Variants in TRIO observed in about 807,000 individuals in gnomAD.
TRIO encodes triple functional domain protein.
In TRIO, 58 loss-of-function variants were observed where a neutral mutation model predicts 351.9. That is an observed-to-expected ratio of 0.16 (90% CI 0.13 to 0.21). TRIO has a LOEUF of 0.21. Ranked by LOEUF, TRIO falls within the 10% of genes least tolerant of loss-of-function variation. TRIO has a pLI of 1.00. For synonymous variants in TRIO, 1,758 were observed against 1,595.7 expected (o/e 1.10, Z -2.42); for missense variants, 3,201 against 4,027.8 (o/e 0.79, Z 5.56).
chr5:14,245,358 G>T (rs1794372001), intron 1 of TRIO, among the ~76,000 whole-genome samples: 1 of 152,202 alleles, frequency 6.6e-6, no homozygotes, highest in Admixed American at 6.5e-5. Flanking sequence ...GATAGGATCA[G>T]TGTACGGTTT....
intron 1 of TRIO, among the ~76,000 whole-genome samples, chr5:14,189,728 CT>C (rs199627264): frequency 0.045 from 6,445 of 143,928 alleles, 440 homozygotes; most frequent in African/African-American, 0.15. Context: ...TTCGTTTTAA[CT>C]TTTTTTTTTT....
intron 1 of TRIO, among the ~76,000 whole-genome samples, chr5:14,192,096 G>A (rs1363752167): frequency 6.6e-6 from 1 of 152,046 alleles, no homozygotes; most frequent in Non-Finnish European, 1.5e-5. Context: ...ATTAGTAATG[G>A]CAATGGCAAT....
At chr5:14,208,535 A>G (rs1446648775) in intron 1 of TRIO, among the ~76,000 whole-genome samples, 1 of 152,262 alleles carries the variant, frequency 6.6e-6, no homozygotes, top group Admixed American at 6.5e-5. Flanking sequence ...AAGAGTCACA[A>G]GGAAACATTT....
rs771313562 is a variant in TRIO at position 14,419,880 on chromosome 5, C to A, written c.5062C>A (p.Arg1688=). Reference sequence around the variant, plus strand: ...GGGCCAGACCGTGGAAGTTCTGGAGCGGCCGCATGACAAGCCTGACTGGTG... The same window carrying A: ...GGGCCAGACCGTGGAAGTTCTGGAGAGGCCGCATGACAAGCCTGACTGGTG... ...RRGQTVEVLE[R]PHDKPDWCLV... The change falls in exon 34 of 57, where the codon CGG becomes AGG. Residue 1688 remains arginine, a synonymous_variant. Coordinates refer to ENST00000344204, the MANE Select transcript of TRIO (RefSeq NM_007118.4). The A allele has an allele frequency of 1.9e-5, 31 of 1,613,990 alleles. No individual in the cohort carries two copies. Among genetic ancestry groups the A allele is most frequent in the Middle Eastern group, 1.6e-4 (1 of 6,084 alleles).
rs571313966 is a variant in TRIO, at chr5:14,281,237, T to G, written c.347+801T>G. Among the ~76,000 whole-genome samples the G allele has an allele frequency of 1.6e-3, 238 of 152,260 alleles. 4 individuals are homozygous for G. The highest frequency in any genetic ancestry group is 5.5e-3 in the African/African-American group (229 of 41,542). ...AAAGAGGTTTAATTGATTTAATGGC[T>G]AGGGAGCCCTCAGGAAACTTATGAT... On this transcript the variant is annotated intron_variant, in intron 3 of 56. Transcript: ENST00000344204.
At chr5:14,348,376 A>G (rs1334652182) in intron 11 of TRIO, among the ~76,000 whole-genome samples, 5 of 152,232 alleles carry the variant, frequency 3.3e-5, no homozygotes. Context: ...CTGGGGAGTC[A>G]TGCTTATGTT....
chr5:14,294,038 T>C (rs1581550080), intron 6 of TRIO, among the ~76,000 whole-genome samples: 1 of 151,764 alleles, frequency 6.6e-6, no homozygotes, highest in East Asian at 1.9e-4. Flanking sequence ...ATTAAAAAAT[T>C]AGCCAAGTGT....
rs182111871 is a variant in TRIO, at chr5:14,507,698, G to A, written c.8752-182G>A. 1.0e-3 allele frequency among the ~76,000 whole-genome samples: 148 copies of A among 148,578 alleles called. 2 individuals are homozygous for A. Among genetic ancestry groups the A allele is most frequent in the Non-Finnish European group, 1.4e-4 (9 of 66,628 alleles). ...TGTGGATCTGGGTCCCAGCTCCGCT[G>A]TGTCATCTCTTCCTCCTCACCCTCG... On this transcript the variant is annotated intron_variant, in intron 56 of 56. Coordinates refer to ENST00000344204, the MANE Select transcript of TRIO (RefSeq NM_007118.4).
chr5:14,446,331 TC>T (rs1174167006), intron 34 of TRIO, among the ~76,000 whole-genome samples: 2 of 152,166 alleles, frequency 1.3e-5, no homozygotes, highest in African/African-American at 4.8e-5. Flanking sequence ...CATGGAGAAC[TC>T]CAAAAGCAGT....
chr5:14,432,493 G>A (rs1313385026), intron 34 of TRIO, among the ~76,000 whole-genome samples: 1 of 152,204 alleles, frequency 6.6e-6, no homozygotes, highest in East Asian at 1.9e-4. Context: ...GAGGCCATGG[G>A]CCCTCCAACA....
At chr5:14,483,656 C>T (rs1161393411) in intron 46 of TRIO, among the ~76,000 whole-genome samples, 1 of 152,168 alleles carries the variant, frequency 6.6e-6, no homozygotes, top group Non-Finnish European at 1.5e-5. Flanking sequence ...AGGCTGGGGG[C>T]CTCTGCCCAC....
intron 34 of TRIO, among the ~76,000 whole-genome samples, chr5:14,427,938 T>C (rs1210849450): frequency 1.1e-4 from 17 of 152,170 alleles, no homozygotes; most frequent in Admixed American, 1.1e-3. Flanking sequence ...ACTCCAGCTT[T>C]GCAGAGACCA....
chr5:14,461,608 G>A (rs149806112), intron 35 of TRIO, among the ~76,000 whole-genome samples: 7 of 152,330 alleles, frequency 4.6e-5, no homozygotes, highest in African/African-American at 1.7e-4. Context: ...GGGCCAGGAG[G>A]GAGACCAGAC....
At chr5:14,168,696 C>T (rs1040459672) in intron 1 of TRIO, among the ~76,000 whole-genome samples, 1 of 152,206 alleles carries the variant, frequency 6.6e-6, no homozygotes, top group African/African-American at 2.4e-5. Flanking sequence ...ACTTCTTTGA[C>T]TTGGTGAGTG....
chr5:14,476,555 G>C (rs538600258), intron 40 of TRIO, among the ~76,000 whole-genome samples: 1 of 152,334 alleles, frequency 6.6e-6, no homozygotes, highest in African/African-American at 2.4e-5. Context: ...ACATTGGGAG[G>C]CTGAGGCAGG....
Position 14,398,895 on chromosome 5 carries a change from T to C in TRIO, c.4439T>C (p.Ile1480Thr). 1 of 1,613,112 alleles carries C rather than the reference T, an allele frequency of 6.2e-7. No homozygotes were observed. Among genetic ancestry groups the C allele is most frequent in the Non-Finnish European group, 8.5e-7 (1 of 1,179,698 alleles). The change falls in exon 30 of 57, where the codon ATT becomes ACT. Residue 1480 changes from isoleucine to threonine, a missense_variant. Transcript: ENST00000344204. ...LSMLEGFDEN[I>T]ESQGELILQE... ...CATGTTGTAGGGTTTGATGAAAACA[T>C]TGAGTCTCAGGGAGAACTCATCCTA...
At chr5:14,270,938 C>G (rs751749599) in intron 2 of TRIO, 39 bp downstream of exon 2, 1 of 1,444,282 alleles carries the variant, frequency 6.9e-7, no homozygotes, top group Non-Finnish European at 9.7e-7. Flanking sequence ...TCCAACTGCT[C>G]TGACACAATT....
At chr5:14,371,642 GTTT>G (rs1289456867) in intron 18 of TRIO, among the ~76,000 whole-genome samples, 4 of 142,066 alleles carry the variant, frequency 2.8e-5, no homozygotes, top group Non-Finnish European at 1.5e-5. Context: ...TTCTGTAAAT[GTTT>G]TTTTTTTTTT....
At chr5:14,299,710 A>G (rs62346589) in intron 7 of TRIO, among the ~76,000 whole-genome samples, 1,925 of 152,324 alleles carry the variant, frequency 0.013, 19 homozygotes, top group Non-Finnish European at 0.022. Flanking sequence ...AAAGGACCAG[A>G]AGCTTGGACA....
Sources: gnomAD v4.1 joint callset for allele counts (sites outside exome capture counted in the v4.1 genomes callset) on GRCh38, gnomAD v4.1.1 for gene constraint, MANE v1.5 for transcripts, NCBI Gene and HGNC (gene_info 2026-07-23, HGNC 2026-07-21) for gene names.